ZNF682: variants seen among roughly 807,000 people sequenced by gnomAD.
ZNF682 encodes zinc finger protein 682.
Under a neutral mutation model 36.5 loss-of-function variants are expected in ZNF682, and 29 were observed. That is an observed-to-expected ratio of 0.80 (90% CI 0.59 to 1.08). The LOEUF (loss-of-function observed/expected upper bound fraction) is 1.08, where lower values mean the gene tolerates loss of function less well. ZNF682 is among the 50% of genes least tolerant of loss of function. The pLI is 0.00. For missense variants in ZNF682, 561 were observed against 579.7 expected (o/e 0.97, Z 0.33); for synonymous variants, 180 against 197.0 (o/e 0.91, Z 0.72).
chr19:20,025,153 G>A (rs544174173), intron 1 of ZNF682, among the ~76,000 whole-genome samples: 16 of 152,272 alleles, frequency 1.1e-4, no homozygotes, highest in African/African-American at 3.6e-4. Context: ...ACACAAAGTG[G>A]TTGAGCCCCA....
At position 20,005,797 on chromosome 19, in the gene ZNF682, C is replaced by T. The variant is rs1599601493; in HGVS notation, c.*208G>A. ...TCATAGTAGTTATTAAATGCTTTGC[C>T]ACATTCTTTAAAATCAGAATTTTTC... On this transcript the variant is annotated 3_prime_UTR_variant, in exon 4 of 4. Transcript: ENST00000397165. The T allele has an allele frequency of 1.8e-6, 1 of 541,328 alleles. No individual in the cohort carries two copies. The highest frequency in any genetic ancestry group is 3.0e-6 in the Non-Finnish European group (1 of 333,236). The allele number at this position is 541,328 out of a possible 1,614,324, so 33.5% of individuals were successfully genotyped here.
chr19:20,016,360 G>T (rs921469745), intron 3 of ZNF682, among the ~76,000 whole-genome samples: 1 of 152,068 alleles, frequency 6.6e-6, no homozygotes, highest in Non-Finnish European at 1.5e-5. Context: ...GAGAAATGAA[G>T]ATCCTTGTAT....
At chr19:20,009,454 G>A (rs146598459) in intron 3 of ZNF682, among the ~76,000 whole-genome samples, 2 of 152,142 alleles carry the variant, frequency 1.3e-5, no homozygotes, top group African/African-American at 4.8e-5. Flanking sequence ...GAAAACATAC[G>A]TAAGGATATA....
intron 3 of ZNF682, 27 bp downstream of exon 3, chr19:20,022,977 G>C: frequency 6.3e-7 from 1 of 1,589,904 alleles, no homozygotes. Flanking sequence ...TTTCACCTGT[G>C]GCATGTGTTT....
downstream of ZNF682, among the ~76,000 whole-genome samples, chr19:20,003,091 T>C (rs563958916): frequency 7.0e-6 from 1 of 142,218 alleles, no homozygotes; most frequent in Non-Finnish European, 1.5e-5. Flanking sequence ...CTCGGGAGGC[T>C]GAGGCAGGAG....
chr19:19,996,030 T>C (rs796937536), downstream of ZNF682, among the ~76,000 whole-genome samples: 1 of 152,222 alleles, frequency 6.6e-6, no homozygotes, highest in South Asian at 2.1e-4. Flanking sequence ...GTGGGGTGTC[T>C]TGTGGGACCA....
intron 1 of ZNF682, among the ~76,000 whole-genome samples, chr19:20,030,053 C>T (rs10420124): frequency 0.78 from 118,936 of 151,934 alleles, 46,687 homozygotes; most frequent in Middle Eastern, 0.87. Context: ...AGGTAGAATT[C>T]TGATCTCCAT....
chr19:20,007,318 G>A, intron 3 of ZNF682, 43 bp from the exon 4 acceptor site: 1 of 1,498,878 alleles, frequency 6.7e-7, no homozygotes, highest in Non-Finnish European at 9.0e-7. Context: ...GTTATTTTCA[G>A]ACTCAGATAC....
At chr19:20,011,496 C>T (rs2088287851) in intron 3 of ZNF682, among the ~76,000 whole-genome samples, 3 of 152,184 alleles carry the variant, frequency 2.0e-5, no homozygotes, top group Non-Finnish European at 4.4e-5. Flanking sequence ...CTAATGAAGA[C>T]ACACATACAT....
At chr19:20,034,174 A>C (rs900624218) in intron 1 of ZNF682, 1 of 152,246 alleles carries the variant, frequency 6.6e-6, no homozygotes, top group Non-Finnish European at 1.5e-5. Flanking sequence ...GTGCACAGCT[A>C]CTCTCAGCAT....
intron 3 of ZNF682, among the ~76,000 whole-genome samples, chr19:20,020,279 C>A (rs1430614862): frequency 6.6e-6 from 1 of 151,930 alleles, no homozygotes; most frequent in Non-Finnish European, 1.5e-5. Context: ...AGGCGGATCA[C>A]GAGGTCAGGA....
intron 1 of ZNF682, among the ~76,000 whole-genome samples, chr19:20,028,416 T>A (rs187475523): frequency 1.8e-4 from 28 of 152,244 alleles, no homozygotes; most frequent in African/African-American, 6.5e-4. Flanking sequence ...TTCACGATAT[T>A]GGCTAGGCTG....
intron 3 of ZNF682, among the ~76,000 whole-genome samples, chr19:20,020,035 G>A (rs1023352636): frequency 3.3e-5 from 4 of 120,312 alleles, no homozygotes; most frequent in East Asian, 4.7e-4. Context: ...AACACAGTGA[G>A]ACCCCTTCTC....
chr19:20,010,826 G>A (rs138716549), intron 3 of ZNF682, among the ~76,000 whole-genome samples: 2 of 151,884 alleles, frequency 1.3e-5, no homozygotes, highest in Non-Finnish European at 2.9e-5. Flanking sequence ...TTAGCTGGAC[G>A]TGGTGGTGTG....
At chr19:19,998,492 T>C (rs1027555281) in intron 3 of ZNF682, among the ~76,000 whole-genome samples, 5 of 152,172 alleles carry the variant, frequency 3.3e-5, no homozygotes, top group Non-Finnish European at 2.9e-5. Flanking sequence ...TCTTACAACA[T>C]TGCCCTGAAA....
chr19:20,028,213 G>GGTTGGTTTGTTT (rs2088448797), intron 1 of ZNF682, among the ~76,000 whole-genome samples: 2 of 151,398 alleles, frequency 1.3e-5, no homozygotes, highest in African/African-American at 2.4e-5. Context: ...TGATTCTGCA[G>GGTTGGTTTGTTT]GTTTGTTTGT....
rs773355523 is a variant in ZNF682, at chr19:20,007,223, A to G, written c.279T>C (p.Asp93=). The part of the protein sequence containing the change: ...EDLLPEQCMQ[D]SFQKVILRRY... ...TTCTCAGTATCACTTTTTGGAATGA[A>G]TCTTGCATGCACTGTTCTGGCAAAA... The change falls in exon 4 of 4, where the codon GAT becomes GAC. Residue 93 remains aspartate (D), a synonymous_variant. Transcript: ENST00000397165. 3 of 1,613,554 alleles carry G rather than the reference A, an allele frequency of 1.9e-6. No homozygotes were observed. The highest frequency in any genetic ancestry group is 2.7e-5 in the African/African-American group (2 of 74,926).
chr19:19,998,049 T>C (rs2088138518), intron 3 of ZNF682, among the ~76,000 whole-genome samples: 1 of 152,146 alleles, frequency 6.6e-6, no homozygotes, highest in Non-Finnish European at 1.5e-5. Context: ...GTCTTTCCCT[T>C]ACACTCACCC....
chr19:20,032,387 G>C (rs967354889), intron 1 of ZNF682, among the ~76,000 whole-genome samples: 1 of 152,206 alleles, frequency 6.6e-6, no homozygotes, highest in Non-Finnish European at 1.5e-5. Flanking sequence ...GAAAGAGGTG[G>C]AATGGTTGGT....
Sources: gnomAD v4.1 joint callset for allele counts (sites outside exome capture counted in the v4.1 genomes callset) on GRCh38, gnomAD v4.1.1 for gene constraint, MANE v1.5 for transcripts, NCBI Gene and HGNC (gene_info 2026-07-23, HGNC 2026-07-21) for gene names.